Variants in CCDC158 observed in about 807,000 individuals in gnomAD.
The protein encoded by CCDC158 is coiled-coil domain-containing protein 158.
In CCDC158, 116 loss-of-function variants were observed where a neutral mutation model predicts 138.6. The ratio of observed to expected loss-of-function variants is 0.84; its 90% CI spans 0.72 to 0.98. CCDC158 has a LOEUF of 0.98. CCDC158 is among the 50% of genes least tolerant of loss of function. The probability of loss-of-function intolerance (pLI) is 0.00; values close to 1 mark genes in which losing one functional copy is unlikely to be tolerated. For synonymous variants in CCDC158, 436 were observed against 442.4 expected (o/e 0.99, Z 0.18); for missense variants, 1,265 against 1,306.1 (o/e 0.97, Z 0.48).
At chr4:76,334,222 C>T in intron 18 of CCDC158, 55 bp from the exon 19 acceptor site, 3 of 1,413,106 alleles carry the variant, frequency 2.1e-6, no homozygotes, top group Non-Finnish European at 1.9e-6. Flanking sequence ...TATGCTATTT[C>T]CTATCACAAA....
intron 10 of CCDC158, among the ~76,000 whole-genome samples, chr4:76,370,932 G>A (rs564858625): frequency 4.6e-5 from 7 of 152,148 alleles, no homozygotes; most frequent in African/African-American, 7.2e-5. Flanking sequence ...CACTAATACC[G>A]CAAAAGGGGA....
intron 3 of CCDC158, among the ~76,000 whole-genome samples, chr4:76,397,084 A>C (rs1174740225): frequency 6.6e-6 from 1 of 152,130 alleles, no homozygotes; most frequent in Non-Finnish European, 1.5e-5. Context: ...GTGGTTTTAA[A>C]ATATGTCCAA....
In CCDC158 at chr4:76,403,148, T is replaced by G; in HGVS notation, c.60A>C (p.Thr20=). Residue 20 remains threonine (T), a synonymous_variant, in exon 3 of 25, where the codon ACA becomes ACC. Coordinates refer to ENST00000682701, the MANE Select transcript of CCDC158 (RefSeq NM_001394954.1). Reference sequence around the variant, plus strand: ...ATAAACAGCACATACCTCCATTAGATGTGACACCACTACTTGATAAAAGAT... The same window carrying G: ...ATAAACAGCACATACCTCCATTAGAGGTGACACCACTACTTGATAAAAGAT... ...NEDLLSSSGV[T]SNGGSSSSFF... is the part of the protein sequence containing the mutation. 1 of 1,605,220 alleles carries G rather than the reference T, an allele frequency of 6.2e-7. No individual in the cohort carries two copies. Among genetic ancestry groups the G allele is most frequent in the Non-Finnish European group, 8.5e-7 (1 of 1,175,564 alleles).
At chr4:76,402,659 G>C (rs977596587) in intron 3 of CCDC158, among the ~76,000 whole-genome samples, 1 of 152,034 alleles carries the variant, frequency 6.6e-6, no homozygotes, top group African/African-American at 2.4e-5. Context: ...AATCACCTTT[G>C]ATTGAAATAA....
intron 22 of CCDC158, among the ~76,000 whole-genome samples, chr4:76,327,090 G>C (rs535482690): frequency 1.3e-5 from 2 of 152,094 alleles, no homozygotes. Flanking sequence ...TACTGCCAAT[G>C]TATGAGAAAA....
At chr4:76,323,000 GGT>G (rs1183432242) in intron 24 of CCDC158, among the ~76,000 whole-genome samples, 3 of 152,086 alleles carry the variant, frequency 2.0e-5, no homozygotes, top group Non-Finnish European at 4.4e-5. Context: ...CAAGAAAGAC[GGT>G]GTGTGGGAAA....
chr4:76,375,622 T>C, intron 9 of CCDC158: 2 of 702,906 alleles, frequency 2.8e-6, no homozygotes, highest in East Asian at 5.4e-5. Flanking sequence ...AAAGCGAAAG[T>C]TAAGGGTAAA....
intron 3 of CCDC158, among the ~76,000 whole-genome samples, chr4:76,399,147 T>G (rs1728099935): frequency 6.6e-6 from 1 of 152,156 alleles, no homozygotes; most frequent in South Asian, 2.1e-4. Context: ...AGATACATAT[T>G]ATAGGTATAG....
chr4:76,363,377 G>T (rs1005862938), intron 12 of CCDC158, among the ~76,000 whole-genome samples: 2 of 152,140 alleles, frequency 1.3e-5, no homozygotes, highest in Non-Finnish European at 2.9e-5. Flanking sequence ...ATTTTGCCCC[G>T]TGTGCCTTTT....
At chr4:76,345,414 T>C (rs909794064) in intron 18 of CCDC158, 15 of 939,364 alleles carry the variant, frequency 1.6e-5, no homozygotes, top group Non-Finnish European at 2.1e-5. Context: ...GCAGGAGTGC[T>C]GCCTGAAATT....
chr4:76,396,852 A>G (rs984417104), intron 3 of CCDC158, among the ~76,000 whole-genome samples: 1 of 152,086 alleles, frequency 6.6e-6, no homozygotes, highest in African/African-American at 2.4e-5. Context: ...ACTTTTTCAT[A>G]AAATAATTTT....
At chr4:76,344,705 T>G in intron 18 of CCDC158, 1 of 1,614,022 alleles carries the variant, frequency 6.2e-7, no homozygotes. Context: ...CAAGGCAACA[T>G]GAAGACTTTG....
At chr4:76,406,021 A>C (rs1468391768) in intron 2 of CCDC158, among the ~76,000 whole-genome samples, 2 of 152,202 alleles carry the variant, frequency 1.3e-5, no homozygotes, top group Non-Finnish European at 2.9e-5. Context: ...ATGTAAGAGG[A>C]CTTAACTTGC....
intron 13 of CCDC158, among the ~76,000 whole-genome samples, chr4:76,360,733 G>A (rs1346642409): frequency 6.6e-6 from 1 of 152,198 alleles, no homozygotes; most frequent in East Asian, 1.9e-4. Flanking sequence ...ATGTATCTTG[G>A]AAGTAATTAA....
intron 4 of CCDC158, among the ~76,000 whole-genome samples, chr4:76,385,450 G>A (rs1726696952): frequency 6.6e-6 from 1 of 152,112 alleles, no homozygotes; most frequent in African/African-American, 2.4e-5. Flanking sequence ...TCAGCATAAA[G>A]CAAGAATAAG....
chr4:76,403,007 T>C, intron 3 of CCDC158, 131 bp downstream of exon 3: 2 of 647,350 alleles, frequency 3.1e-6, no homozygotes, highest in South Asian at 3.7e-5. Context: ...TTATAAACAA[T>C]ATGGTAGACA....
At chr4:76,401,271 C>T (rs924651450) in intron 3 of CCDC158, 2 of 482,164 alleles carry the variant, frequency 4.1e-6, no homozygotes, top group Non-Finnish European at 8.2e-6. Flanking sequence ...TTCCCAAACA[C>T]CCATCAGACT....
chr4:76,401,753 A>C (rs1311280516), intron 3 of CCDC158, among the ~76,000 whole-genome samples: 2 of 152,192 alleles, frequency 1.3e-5, no homozygotes, highest in Non-Finnish European at 2.9e-5. Flanking sequence ...CTGTAAGTCT[A>C]AGATCTCAGA....
chr4:76,339,719 T>C lies in CCDC158; in HGVS notation c.2665-5552A>G, dbSNP rs190242748. On this transcript the variant is annotated intron_variant, in intron 18 of 24. Transcript: ENST00000682701. Reference sequence around the variant, plus strand: ...CTGGACAGCTTTCTGGTTTCACTGCTCTGGTCAAAGAGGTCGATTTTGAAT... The same window carrying C: ...CTGGACAGCTTTCTGGTTTCACTGCCCTGGTCAAAGAGGTCGATTTTGAAT... Among the ~76,000 whole-genome samples, 186 of 152,344 alleles carry C rather than the reference T, an allele frequency of 1.2e-3. 1 individual carries two copies. The Middle Eastern group carries it at 0.014, about 11-fold the overall frequency.
Sources: allele counts gnomAD v4.1 joint callset (sites outside exome capture counted in the v4.1 genomes callset), GRCh38; gene constraint gnomAD v4.1.1; transcripts MANE v1.5; gene names NCBI Gene and HGNC (gene_info 2026-07-23, HGNC 2026-07-21).